MOXD1: variants seen among roughly 807,000 people sequenced by gnomAD.
MOXD1 encodes the protein DBH-like monooxygenase protein 1.
MOXD1 carries 62 observed loss-of-function variants against 66.6 expected under a neutral mutation model. That is an observed-to-expected ratio of 0.93 (90% confidence interval 0.76 to 1.15). MOXD1 has a LOEUF of 1.15. Ranked by LOEUF, MOXD1 falls within the 50% of genes most tolerant of loss-of-function variation. The probability of loss-of-function intolerance (pLI) is 0.00; values close to 1 mark genes in which losing one functional copy is unlikely to be tolerated. For synonymous variants in MOXD1, 303 were observed against 281.9 expected, an observed-to-expected ratio of 1.07 and a Z score of -0.75; for missense variants, 847 against 754.6, an observed-to-expected ratio of 1.12 and a Z score of -1.44.
At chr6:132,326,762 A>G (rs1340570092) in intron 6 of MOXD1, among the ~76,000 whole-genome samples, 1 of 152,190 alleles carries the variant, frequency 6.6e-6, no homozygotes, top group Non-Finnish European at 1.5e-5. Flanking sequence ...GAATTCAGAG[A>G]GAAACTATTT....
intron 9 of MOXD1, among the ~76,000 whole-genome samples, chr6:132,318,497 G>A (rs1202435039): frequency 6.6e-6 from 1 of 151,896 alleles, no homozygotes; most frequent in East Asian, 1.9e-4. Context: ...AAATGCTTTT[G>A]TCTTATCCTC....
At chr6:132,348,873 T>C (rs1379150316) in intron 4 of MOXD1, among the ~76,000 whole-genome samples, 2 of 152,198 alleles carry the variant, frequency 1.3e-5, no homozygotes, top group Non-Finnish European at 2.9e-5. Context: ...TTTTGGATTT[T>C]TACTAAAGTC....
chr6:132,360,258 T>C (rs765700673), intron 4 of MOXD1, among the ~76,000 whole-genome samples: 1 of 152,250 alleles, frequency 6.6e-6, no homozygotes, highest in Non-Finnish European at 1.5e-5. Context: ...GTTTACTTTT[T>C]AAATAGATCA....
intron 10 of MOXD1, among the ~76,000 whole-genome samples, chr6:132,306,275 C>T (rs1194703425): frequency 2.0e-5 from 3 of 151,712 alleles, no homozygotes; most frequent in Admixed American, 6.6e-5. Flanking sequence ...AGTTTGAAGG[C>T]CACCTTGCTG....
intron 1 of MOXD1, 40 bp from the exon 2 acceptor site, chr6:132,374,817 T>C: frequency 1.9e-6 from 3 of 1,564,372 alleles, no homozygotes; most frequent in Non-Finnish European, 2.6e-6. Flanking sequence ...GATACCTAAA[T>C]ACAGAGAGAA....
Position 132,372,672 on chromosome 6 carries a change from T to A in MOXD1, c.599A>T (p.Asp200Val), listed in dbSNP as rs187771532. The A allele has an allele frequency of 1.9e-6, 3 of 1,613,992 alleles. No individual in the cohort carries two copies. Among genetic ancestry groups the A allele is most frequent in the East Asian group, 4.5e-5 (2 of 44,868 alleles). ...VNQDVPIPNK[D>V]TTYWCQMFKI... is the part of the protein sequence containing the mutation. ...AAACATTTGGCACCAATATGTTGTATCTTTGTTTGGGATGGGGACCTGTCT... is the reference window on the plus strand; with the variant it reads ...AAACATTTGGCACCAATATGTTGTAACTTTGTTTGGGATGGGGACCTGTCT... Residue 200 changes from aspartate (D) to valine (V), a missense_variant, in exon 4 of 12, where the codon GAT becomes GTT. Transcript: ENST00000367963.
rs59164959 is a variant in MOXD1, at chr6:132,346,036, T to TTTGTTGTTGTG, written c.664-17453_664-17443dup. 5.3e-3 allele frequency among the ~76,000 whole-genome samples: 805 copies of TTTGTTGTTGTG among 152,122 alleles called. 11 individuals are homozygous for TTTGTTGTTGTG. Among genetic ancestry groups the TTTGTTGTTGTG allele is most frequent in the African/African-American group, 0.018 (764 of 41,466 alleles). ...GAAGTTATAGTTGTGGGTCTGTTTTTTTGTTGTTGTGTTGTTGTTGTGGGG... is the reference window on the plus strand; with the variant it reads ...GAAGTTATAGTTGTGGGTCTGTTTTTTTGTTGTTGTGTTGTTGTTGTGTTGTTGTTGTGGGG... On this transcript the variant is annotated intron_variant, in intron 4 of 11. Coordinates refer to ENST00000367963, the MANE Select transcript of MOXD1 (RefSeq NM_015529.4).
chr6:132,304,965 C>A (rs1004535429), intron 10 of MOXD1, among the ~76,000 whole-genome samples: 2 of 152,162 alleles, frequency 1.3e-5, no homozygotes, highest in African/African-American at 4.8e-5. Flanking sequence ...ACTTAGCCAA[C>A]AGTCTCTCAA....
intron 1 of MOXD1, among the ~76,000 whole-genome samples, chr6:132,384,807 A>G (rs931734429): frequency 7.9e-5 from 12 of 152,238 alleles, no homozygotes; most frequent in Non-Finnish European, 1.8e-4. Flanking sequence ...AGATCAGATG[A>G]GGCCCTAAAC....
intron 10 of MOXD1, among the ~76,000 whole-genome samples, chr6:132,313,684 C>T (rs546787683): frequency 7.2e-4 from 109 of 152,180 alleles, no homozygotes; most frequent in African/African-American, 2.4e-3. Flanking sequence ...GAGGCCGAGG[C>T]GGGTGGATCA....
At chr6:132,353,894 G>A (rs560577856) in intron 4 of MOXD1, among the ~76,000 whole-genome samples, 25 of 152,084 alleles carry the variant, frequency 1.6e-4, no homozygotes, top group Non-Finnish European at 2.8e-4. Flanking sequence ...GTTGGATTGG[G>A]TTAATTTGAA....
At chr6:132,310,503 C>T (rs1774804625) in intron 10 of MOXD1, among the ~76,000 whole-genome samples, 4 of 152,114 alleles carry the variant, frequency 2.6e-5, no homozygotes, top group Admixed American at 2.6e-4. Flanking sequence ...TTGGTATATA[C>T]CCAAAAGAAT....
At chr6:132,303,941 T>C (rs1774630498) in intron 10 of MOXD1, among the ~76,000 whole-genome samples, 1 of 146,434 alleles carries the variant, frequency 6.8e-6, no homozygotes, top group South Asian at 2.2e-4. Context: ...CAATCCATTC[T>C]CATTTTTGCT....
chr6:132,322,155 C>G (rs1039284244), intron 8 of MOXD1, among the ~76,000 whole-genome samples: 1 of 152,224 alleles, frequency 6.6e-6, no homozygotes. Flanking sequence ...AGCCTTCATT[C>G]TCTTCTCTCC....
intron 1 of MOXD1, among the ~76,000 whole-genome samples, chr6:132,400,482 A>G (rs1314731522): frequency 6.6e-6 from 1 of 152,126 alleles, no homozygotes; most frequent in Non-Finnish European, 1.5e-5. Flanking sequence ...GCTCCTTCAA[A>G]GTAAATCAGC....
intron 4 of MOXD1, among the ~76,000 whole-genome samples, chr6:132,329,864 A>T (rs956595265): frequency 4.6e-5 from 7 of 152,200 alleles, no homozygotes; most frequent in Non-Finnish European, 8.8e-5. Flanking sequence ...AGAGAAAAAA[A>T]ACATTGTTAG....
In MOXD1 at chr6:132,328,019, C is replaced by T. The variant is rs1468276907; in HGVS notation, c.940G>A (p.Glu314Lys). ...LEVHYDNPTY[E>K]EGLIDNSGLR... ...ATATGAATAATAAACTCACCTTCCT[C>T]ATAAGTGGGATTATCATAATGGACT... is the stretch of plus-strand genomic sequence containing the variant. The change falls in exon 6 of 12, where the codon GAG (glutamate) becomes AAG (lysine). Residue 314 changes from glutamate (E) to lysine (K), a missense_variant. Physicochemically the swap from Glu to Lys is moderately conservative, Grantham distance 56 (BLOSUM62 1). Coordinates refer to ENST00000367963, the MANE Select transcript of MOXD1 (RefSeq NM_015529.4). 5 of 1,610,372 alleles carry T rather than the reference C, an allele frequency of 3.1e-6. No individual in the cohort carries two copies. Among genetic ancestry groups the T allele is most frequent in the South Asian group, 2.2e-5 (2 of 90,778 alleles).
At chr6:132,399,341 C>A (rs746065895) in intron 1 of MOXD1, among the ~76,000 whole-genome samples, 5 of 152,064 alleles carry the variant, frequency 3.3e-5, no homozygotes, top group Non-Finnish European at 7.4e-5. Context: ...GACGGGAAGT[C>A]CTATTTATTG....
intron 4 of MOXD1, among the ~76,000 whole-genome samples, chr6:132,362,710 C>T (rs1312246942): frequency 1.3e-5 from 2 of 152,180 alleles, no homozygotes; most frequent in African/African-American, 4.8e-5. Flanking sequence ...AAGATCTTAG[C>T]TCAGCTTAAA....
Sources: allele counts gnomAD v4.1 joint callset (sites outside exome capture counted in the v4.1 genomes callset), GRCh38; gene constraint gnomAD v4.1.1; transcripts MANE v1.5; gene names NCBI Gene and HGNC (gene_info 2026-07-23, HGNC 2026-07-21).